Variants in ADAMTS20 observed in about 807,000 individuals in gnomAD.
ADAMTS20 encodes ADAM metallopeptidase with thrombospondin type 1 motif 20.
A neutral mutation model predicts 260.1 loss-of-function variants in ADAMTS20; 225 were observed. The observed-to-expected ratio is 0.87, with a 90% CI of 0.78 to 0.97. ADAMTS20 has a LOEUF of 0.97. ADAMTS20 is among the 50% of genes least tolerant of loss of function. The probability of loss-of-function intolerance (pLI) is 0.00; values close to 1 mark genes in which losing one functional copy is unlikely to be tolerated. For synonymous variants in ADAMTS20, 802 were observed against 769.5 expected (o/e 1.04, Z -0.70); for missense variants, 2,400 against 2,337.7 (o/e 1.03, Z -0.55).
chr12:43,352,770 T>A (rs765108043), downstream of ADAMTS20, among the ~76,000 whole-genome samples: 1 of 152,158 alleles, frequency 6.6e-6, no homozygotes, highest in Admixed American at 6.5e-5. Context: ...TGCTAATGAA[T>A]CATAAAAATA....
chr12:43,382,717 C>G (rs1592038703), intron 31 of ADAMTS20, among the ~76,000 whole-genome samples: 1 of 151,532 alleles, frequency 6.6e-6, no homozygotes, highest in East Asian at 1.9e-4. Flanking sequence ...ATTTTACCTA[C>G]AAAAATAAAA....
At chr12:43,514,560 CAAAAAAAAAAAAAAAAAAAAAAAAA>C (rs58435633) in intron 3 of ADAMTS20, among the ~76,000 whole-genome samples, 13 of 63,654 alleles carry the variant, frequency 2.0e-4, no homozygotes, top group Non-Finnish European at 2.0e-4. Context: ...GACTCTATCT[CAAAAAAAAAAAAAAAAAAAAAAAAA>C]AAAAAAAAAA....
chr12:43,404,640 G>GAT (rs1393260785), intron 28 of ADAMTS20, among the ~76,000 whole-genome samples: 3 of 152,056 alleles, frequency 2.0e-5, no homozygotes. Flanking sequence ...TATGGATGAA[G>GAT]ATATATATAT....
At position 43,462,911 on chromosome 12, in the gene ADAMTS20, T is replaced by C. The variant is rs1481244318; in HGVS notation, c.1598A>G (p.Asp533Gly). The C allele has an allele frequency of 2.5e-6, 4 of 1,606,370 alleles. No homozygotes were observed. The highest frequency in any genetic ancestry group is 3.4e-6 in the Non-Finnish European group (4 of 1,175,978). The stretch of plus-strand genomic sequence containing the variant: ...AAAACCTACCATTCCAGGACCGCAG[T>C]CTGTTCCATCTGCTGGTGGCACGTG... Reference protein sequence around the residue: ...TQHVPPADGTDCGPGMHCRHG... With the variant: ...TQHVPPADGTGCGPGMHCRHG... The change falls in exon 11 of 39, where the codon GAC (aspartate) becomes GGC (glycine). Residue 533 changes from aspartate to glycine, a missense_variant. Transcript: ENST00000389420.
intron 3 of ADAMTS20, among the ~76,000 whole-genome samples, chr12:43,503,420 T>C (rs1169428825): frequency 6.6e-6 from 1 of 152,112 alleles, no homozygotes. Context: ...AAAACATATT[T>C]CATTATTATT....
chr12:43,360,659 T>C (rs1939847576), intron 37 of ADAMTS20, among the ~76,000 whole-genome samples: 1 of 152,152 alleles, frequency 6.6e-6, no homozygotes, highest in East Asian at 1.9e-4. Context: ...ACAACTTTTA[T>C]GAAGCAAAAA....
intron 28 of ADAMTS20, among the ~76,000 whole-genome samples, chr12:43,408,717 C>A (rs1565684425): frequency 1.3e-5 from 2 of 152,266 alleles, no homozygotes; most frequent in South Asian, 4.1e-4. Context: ...AGATTAATTT[C>A]ATATTTCAAT....
chr12:43,528,851 C>T (rs570858069), intron 3 of ADAMTS20, among the ~76,000 whole-genome samples: 3 of 152,068 alleles, frequency 2.0e-5, no homozygotes, highest in Non-Finnish European at 4.4e-5. Context: ...AAATAATCAT[C>T]AGAGTAAACA....
Position 43,354,180 on chromosome 12 carries a change from T to A in ADAMTS20, c.*29A>T, listed in dbSNP as rs1939694148. 7 of 1,478,616 alleles carry A rather than the reference T, an allele frequency of 4.7e-6. No individual in the cohort carries two copies. Among genetic ancestry groups the A allele is most frequent in the Non-Finnish European group, 5.6e-6 (6 of 1,078,700 alleles). The allele number at this position is 1,478,616 out of a possible 1,614,324, so 91.6% of individuals were successfully genotyped here. A position where few individuals can be genotyped will look rare whatever the true frequency, so the allele number is the denominator to read the frequency against. On this transcript the variant is annotated 3_prime_UTR_variant, in exon 39 of 39. Transcript: ENST00000389420. ...TGAATATTCCAGAGAATATCCCCTC[T>A]TTAGGGCATACTTCCCCCTTCTAAA...
chr12:43,395,517 C>T (rs2137246037), intron 29 of ADAMTS20, among the ~76,000 whole-genome samples: 1 of 151,820 alleles, frequency 6.6e-6, no homozygotes, highest in South Asian at 2.1e-4. Context: ...GGGTGGGGAG[C>T]ACTGGGCAGC....
chr12:43,429,497 T>C (rs1302443597), intron 24 of ADAMTS20, 120 bp downstream of exon 24: 34 of 694,092 alleles, frequency 4.9e-5, no homozygotes, highest in Non-Finnish European at 2.3e-6. Context: ...TATACTTCTT[T>C]GATGCCATCA....
chr12:43,382,056 T>C (rs940532614), intron 31 of ADAMTS20, among the ~76,000 whole-genome samples: 1 of 152,160 alleles, frequency 6.6e-6, no homozygotes, highest in Non-Finnish European at 1.5e-5. Flanking sequence ...AAAAATGGTG[T>C]GGCCACTGTG....
intron 3 of ADAMTS20, among the ~76,000 whole-genome samples, chr12:43,521,861 C>G (rs571828188): frequency 1.2e-4 from 18 of 152,154 alleles, no homozygotes; most frequent in Non-Finnish European, 2.2e-4. Context: ...TTTCCACACA[C>G]ATCAGGACTT....
At chr12:43,364,167 C>A (rs552493608) in intron 37 of ADAMTS20, among the ~76,000 whole-genome samples, 1 of 152,070 alleles carries the variant, frequency 6.6e-6, no homozygotes, top group African/African-American at 2.4e-5. Context: ...ATAGAATTCA[C>A]TGAAACAGTT....
chr12:43,428,860 T>C, intron 24 of ADAMTS20, 61 bp from the exon 25 acceptor site: 1 of 1,408,952 alleles, frequency 7.1e-7, no homozygotes. Context: ...CATGTCCCTT[T>C]TACATAGCTG....
chr12:43,371,369 G>A lies in ADAMTS20; in HGVS notation c.5447-1988C>T, dbSNP rs116782839. ...TTATTTACAATATATTTTGCATTGGGCAGTATTATAGATATTGCGAACACA... is the reference window on the plus strand; with the variant it reads ...TTATTTACAATATATTTTGCATTGGACAGTATTATAGATATTGCGAACACA... On this transcript the variant is annotated intron_variant, in intron 36 of 38. Coordinates refer to ENST00000389420, the MANE Select transcript of ADAMTS20 (RefSeq NM_025003.5). 5.0e-3 allele frequency among the ~76,000 whole-genome samples: 755 copies of A among 152,220 alleles called. 9 individuals are homozygous for A. The highest frequency in any genetic ancestry group is 0.016 in the African/African-American group (684 of 41,526).
chr12:43,448,176 T>C (rs1199313246), intron 14 of ADAMTS20, among the ~76,000 whole-genome samples: 1 of 152,064 alleles, frequency 6.6e-6, no homozygotes, highest in East Asian at 1.9e-4. Context: ...AGAGCCTGAA[T>C]AGCCAAAGAA....
At chr12:43,443,027 G>C (rs1015397964) in intron 16 of ADAMTS20, among the ~76,000 whole-genome samples, 1 of 152,120 alleles carries the variant, frequency 6.6e-6, no homozygotes, top group Non-Finnish European at 1.5e-5. Context: ...CAGATTGCCA[G>C]TTACATAAGT....
At chr12:43,468,292 C>A (rs908667926) in intron 8 of ADAMTS20, among the ~76,000 whole-genome samples, 12 of 152,118 alleles carry the variant, frequency 7.9e-5, no homozygotes, top group African/African-American at 2.9e-4. Context: ...TGGTAGAGGA[C>A]AGTACCTGGT....
Sources: allele counts gnomAD v4.1 joint callset (sites outside exome capture counted in the v4.1 genomes callset), GRCh38; gene constraint gnomAD v4.1.1; transcripts MANE v1.5; gene names NCBI Gene and HGNC (gene_info 2026-07-23, HGNC 2026-07-21).